The following TAB3 variants were observed in gnomAD, a reference collection of about 807,000 sequenced individuals.
The protein encoded by TAB3 is TGF-beta-activated kinase 1 and MAP3K7-binding protein 3.
Under a neutral mutation model 48.1 loss-of-function variants are expected in TAB3, and 18 were observed. The ratio of observed to expected loss-of-function variants is 0.37; its 90% confidence interval spans 0.26 to 0.55. The LOEUF is 0.55. Ranked by LOEUF, TAB3 falls within the 20% of genes least tolerant of loss-of-function variation. The pLI, the probability that TAB3 is intolerant of heterozygous loss-of-function variation, is 0.78. For missense variants in TAB3, 414 were observed against 549.8 expected, an observed-to-expected ratio of 0.75 and a Z score of 2.47; for synonymous variants, 185 against 190.2, an observed-to-expected ratio of 0.97 and a Z score of 0.22.
At chrX:30,831,734 A>G (rs1367658206) in intron 10 of TAB3, among the ~76,000 whole-genome samples, 159 bp from the exon 11 acceptor site, 1 of 112,357 alleles carries the variant, frequency 8.9e-6, no homozygotes, top group African/African-American at 3.2e-5. Flanking sequence ...CTGGAAATGC[A>G]TAGTTGAACA....
At position 30,829,317 on chromosome X, in the gene TAB3, CCACTT is replaced by C. The variant is rs1376076320; in HGVS notation, c.*2105_*2109del. The C allele has an allele frequency of 1.8e-5, 2 of 112,327 alleles. No homozygotes were observed. Among genetic ancestry groups the C allele is most frequent in the Non-Finnish European group, 3.8e-5 (2 of 53,241 alleles). 9.3% of individuals were successfully genotyped at this position (112,327 alleles called of 1,213,427 possible). A position where few individuals can be genotyped will look rare whatever the true frequency, so the allele number is the denominator to read the frequency against. ...CTGACAACTGCCAAGTTAATTGCCT[CCACTT>C]CAGCATATCACTATGAATACTGGTA... On this transcript the variant is annotated 3_prime_UTR_variant, in exon 11 of 11. Coordinates refer to ENST00000288422, the MANE Select transcript of TAB3 (RefSeq NM_152787.5).
chrX:30,872,233 TTTAA>T (rs1389220843), intron 1 of TAB3, among the ~76,000 whole-genome samples: 1 of 112,039 alleles, frequency 8.9e-6, no homozygotes, highest in Non-Finnish European at 1.9e-5. Flanking sequence ...GTCTTTAAAA[TTTAA>T]AGGACTCCGT....
intron 5 of TAB3, among the ~76,000 whole-genome samples, chrX:30,858,282 G>T (rs760272606): frequency 8.9e-6 from 1 of 111,766 alleles, no homozygotes; most frequent in African/African-American, 3.3e-5. Context: ...GTGATTGCTA[G>T]GAAGTGGTTT....
intron 9 of TAB3, among the ~76,000 whole-genome samples, chrX:30,839,917 TATATA>T (rs1569204398): frequency 1.9e-3 from 39 of 20,945 alleles, no homozygotes; most frequent in African/African-American, 3.6e-3. Context: ...ATATATATTA[TATATA>T]TATATATATA....
chrX:30,860,474 A>G (rs1321428039), intron 4 of TAB3, among the ~76,000 whole-genome samples: 1 of 111,992 alleles, frequency 8.9e-6, no homozygotes, highest in Non-Finnish European at 1.9e-5. Context: ...AACATCACCA[A>G]TGAGGGCCAG....
In TAB3 at chrX:30,854,414, T is replaced by C. The variant is rs1938983949; in HGVS notation, c.1251A>G (p.Gln417=). 4 of 1,211,607 alleles carry C rather than the reference T, an allele frequency of 3.3e-6. No individual in the cohort carries two copies. In the East Asian group the frequency reaches 1.2e-4, roughly 36 times the overall value. The change falls in exon 6 of 11, where the codon CAA becomes CAG. Residue 417 remains glutamine, a synonymous_variant. Transcript: ENST00000288422. ...SSSPSRGISS[Q]PKPPFSVNPV... is the part of the protein sequence containing the mutation. The stretch of plus-strand genomic sequence containing the variant: ...GATTAACACTAAATGGAGGTTTTGG[T>C]TGACTAGATATCCCTCTTGAAGGAG...
chrX:30,838,771 G>C (rs945885914), intron 9 of TAB3, among the ~76,000 whole-genome samples: 6 of 111,626 alleles, frequency 5.4e-5, no homozygotes, highest in African/African-American at 2.0e-4. Context: ...CATGGTTTTT[G>C]ATGGTATTGT....
chrX:30,858,091 CA>C (rs1412339286), intron 5 of TAB3, among the ~76,000 whole-genome samples: 3 of 111,466 alleles, frequency 2.7e-5, no homozygotes, highest in Admixed American at 9.6e-5. Context: ...TTATTAATCC[CA>C]AAGGAAGAAA....
chrX:30,854,249 G>A lies in TAB3; in HGVS notation c.1416C>T (p.Asp472=), dbSNP rs1207423972. Residue 472 remains aspartate, a synonymous_variant, in exon 6 of 11, where the codon GAC becomes GAT. Coordinates refer to ENST00000288422, the MANE Select transcript of TAB3 (RefSeq NM_152787.5). ...CTGGTGCTGCAGAGCGCTCTTCTTG[G>A]TCCACTAAATTTAAAAGATTTTCAG... ...ATTENLLNLV[D]QEERSAAPEP... is the part of the protein sequence containing the mutation. 2 of 1,209,662 alleles carry A rather than the reference G, an allele frequency of 1.7e-6. No individual in the cohort carries two copies. Among genetic ancestry groups the A allele is most frequent in the African/African-American group, 3.5e-5 (2 of 56,958 alleles).
At position 30,831,157 on chromosome X, in the gene TAB3, T is replaced by A. The variant is rs749454349; in HGVS notation, c.*270A>T. 12 of 269,627 alleles carry A rather than the reference T, an allele frequency of 4.5e-5. No homozygotes were observed. The highest frequency in any genetic ancestry group is 3.9e-4 in the East Asian group (7 of 17,776). The allele number at this position is 269,627 out of a possible 1,213,427, so 22.2% of individuals were successfully genotyped here. A position where few individuals can be genotyped will look rare whatever the true frequency, so the allele number is the denominator to read the frequency against. ...TTCCACCACAGAAGAGCTCTTGACT[T>A]CTGTGTGTACATTCTTTCACAGAGT... On this transcript the variant is annotated 3_prime_UTR_variant, in exon 11 of 11. Transcript: ENST00000288422.
chrX:30,865,760 G>A (rs945307760), intron 4 of TAB3, among the ~76,000 whole-genome samples: 6 of 112,217 alleles, frequency 5.3e-5, no homozygotes, highest in Non-Finnish European at 9.4e-5. Flanking sequence ...CTCTGATGAT[G>A]TCATAACTCT....
intron 9 of TAB3, chrX:30,836,398 CTGTG>C (rs1938215392): frequency 1.8e-5 from 2 of 111,177 alleles, no homozygotes; most frequent in African/African-American, 6.5e-5. Context: ...CATGTTTTCC[CTGTG>C]TAACAGCAAG....
chrX:30,848,099 C>T (rs1051402482), intron 7 of TAB3, among the ~76,000 whole-genome samples: 5 of 112,035 alleles, frequency 4.5e-5, no homozygotes, highest in African/African-American at 6.5e-5. Flanking sequence ...AAGAACCTGT[C>T]GGGAAAGTCA....
chrX:30,839,974 ATAT>A (rs1478102171), intron 9 of TAB3, among the ~76,000 whole-genome samples: 1 of 102,452 alleles, frequency 9.8e-6, no homozygotes, highest in Non-Finnish European at 2.0e-5. Context: ...ACACTTACTA[ATAT>A]TTACTGTTTT....
At chrX:30,844,390 A>C (rs1601806532) in intron 8 of TAB3, 1 of 112,141 alleles carries the variant, frequency 8.9e-6, no homozygotes, top group Non-Finnish European at 1.9e-5. Flanking sequence ...TTCTGAAAAT[A>C]ATTGCTGTGA....
At chrX:30,878,925 C>A (rs760219354) in intron 1 of TAB3, among the ~76,000 whole-genome samples, 1 of 111,459 alleles carries the variant, frequency 9.0e-6, no homozygotes, top group Non-Finnish European at 1.9e-5. Flanking sequence ...TATTACATCT[C>A]AAAAATGATG....
At position 30,889,253 on chromosome X, in the gene TAB3, G is replaced by A. The variant is rs1406856320; in HGVS notation, c.-522C>T. ...GCGCCGTGCAGGGCCGGGATCCGGT[G>A]TGAGCCGCCGCCGCCGCCGCCGCCC... On this transcript the variant is annotated 5_prime_UTR_variant, in exon 1 of 11. Transcript: ENST00000288422. 1.8e-5 allele frequency: 2 copies of A among 112,596 alleles called. No individual in the cohort carries two copies. The highest frequency in any genetic ancestry group is 7.0e-5 in the African/African-American group (2 of 28,642). 9.3% of individuals were successfully genotyped at this position (112,596 alleles called of 1,213,427 possible).
At chrX:30,845,129 G>C (rs892217905) in intron 8 of TAB3, 1 of 112,467 alleles carries the variant, frequency 8.9e-6, no homozygotes, top group African/African-American at 3.2e-5. Flanking sequence ...CCAGCCTACT[G>C]TTTGTTTAAT....
Position 30,852,774 on chromosome X carries a change from T to C in TAB3, c.1710+4A>G, listed in dbSNP as rs761789619. ...CTATTAACACATCCTAACAGATCAC[T>C]TACCGTAGGGATCGCAGTGGTGCAG... On this transcript the variant is annotated splice_donor_region_variant and intron_variant, in intron 7 of 10. Transcript: ENST00000288422. The C allele has an allele frequency of 8.3e-7, 1 of 1,209,676 alleles. No homozygotes were observed. Among genetic ancestry groups the C allele is most frequent in the East Asian group, 3.0e-5 (1 of 33,839 alleles).
Sources: gnomAD v4.1 joint callset for allele counts (sites outside exome capture counted in the v4.1 genomes callset) on GRCh38, gnomAD v4.1.1 for gene constraint, MANE v1.5 for transcripts, NCBI Gene and HGNC (gene_info 2026-07-23, HGNC 2026-07-21) for gene names.